PHKA2: variants seen among roughly 807,000 people sequenced by gnomAD.
PHKA2 encodes the protein phosphorylase kinase regulatory subunit alpha 2.
A neutral mutation model predicts 102.0 loss-of-function variants in PHKA2; 31 were observed. The observed-to-expected ratio is 0.30, with a 90% CI of 0.23 to 0.41. The LOEUF is 0.41. PHKA2 is among the 10% of genes least tolerant of loss of function. The pLI is 1.00. For missense variants in PHKA2, 858 were observed against 1,023.1 expected (o/e 0.84, Z 2.20); for synonymous variants, 455 against 416.2 (o/e 1.09, Z -1.13).
At chrX:18,956,924 C>T (rs535384814) in intron 1 of PHKA2, among the ~76,000 whole-genome samples, 5 of 111,906 alleles carry the variant, frequency 4.5e-5, no homozygotes, top group East Asian at 2.8e-4. Flanking sequence ...TTTTTTGAGA[C>T]GGAGTCTCAC....
intron 19 of PHKA2, among the ~76,000 whole-genome samples, chrX:18,916,117 A>G (rs2048016331): frequency 8.9e-6 from 1 of 112,315 alleles, no homozygotes; most frequent in Admixed American, 9.4e-5. Context: ...TATTTGAAGT[A>G]TCAAAAATCA....
intron 1 of PHKA2, among the ~76,000 whole-genome samples, chrX:18,976,479 T>C (rs2049091958): frequency 8.9e-6 from 1 of 111,804 alleles, no homozygotes; most frequent in African/African-American, 3.3e-5. Flanking sequence ...AGTCCTTCCT[T>C]ATCCGTTTTT....
At chrX:18,897,828 T>C in intron 29 of PHKA2, 1 of 126,221 alleles carries the variant, frequency 7.9e-6, no homozygotes, top group Admixed American at 7.8e-5. Context: ...GCATACCTAG[T>C]GTGCGCTAAG....
In PHKA2 at chrX:18,905,366, G is replaced by A. The variant is rs756563183; in HGVS notation, c.2908+392C>T. Among the ~76,000 whole-genome samples the A allele has an allele frequency of 2.1e-3, 235 of 111,457 alleles. 1 individual carries two copies. Among genetic ancestry groups the A allele is most frequent in the African/African-American group, 7.4e-3 (227 of 30,729 alleles). ...TTTTTTTTGTATTTTTAGTAGTGACGGGGTTTCACCACGTTGGTCAGGCTG... is the reference window on the plus strand; with the variant it reads ...TTTTTTTTGTATTTTTAGTAGTGACAGGGTTTCACCACGTTGGTCAGGCTG... On this transcript the variant is annotated intron_variant, in intron 26 of 32. Coordinates refer to ENST00000379942, the MANE Select transcript of PHKA2 (RefSeq NM_000292.3).
At chrX:18,954,116 C>T (rs779074462) in intron 2 of PHKA2, 138 bp downstream of exon 2, 1 of 598,851 alleles carries the variant, frequency 1.7e-6, no homozygotes, top group African/African-American at 2.2e-5. Context: ...TAAGTACCTC[C>T]CCAAAATATT....
chrX:18,923,549 G>A (rs1444771026), intron 17 of PHKA2, among the ~76,000 whole-genome samples: 1 of 111,807 alleles, frequency 8.9e-6, no homozygotes, highest in African/African-American at 3.3e-5. Flanking sequence ...AACCAGAAGG[G>A]GGCTCATTCC....
chrX:18,957,605 A>G (rs1018476413), intron 1 of PHKA2, among the ~76,000 whole-genome samples: 2 of 110,033 alleles, frequency 1.8e-5, no homozygotes, highest in Admixed American at 9.7e-5. Flanking sequence ...AAGCAGATAG[A>G]TGTATCTTTT....
chrX:18,929,350 A>G (rs1389247367), intron 12 of PHKA2, 44 bp from the exon 13 acceptor site: 2 of 872,961 alleles, frequency 2.3e-6, no homozygotes, highest in South Asian at 2.2e-5. Context: ...TTGATTAACT[A>G]AAATTTCATC....
intron 11 of PHKA2, among the ~76,000 whole-genome samples, chrX:18,932,698 G>A (rs934504216): frequency 1.8e-5 from 2 of 111,314 alleles, no homozygotes; most frequent in African/African-American, 6.5e-5. Flanking sequence ...ATCTTTGGGT[G>A]GTAGAATTAG....
At chrX:18,944,251 T>TTG (rs1008044491) in intron 6 of PHKA2, among the ~76,000 whole-genome samples, 39 of 109,814 alleles carry the variant, frequency 3.6e-4, no homozygotes, top group African/African-American at 1.0e-3. Flanking sequence ...GTTCATAACG[T>TTG]TGTGTGTGTG....
intron 1 of PHKA2, among the ~76,000 whole-genome samples, chrX:18,965,418 GA>G (rs1443044753): frequency 9.0e-6 from 1 of 111,686 alleles, no homozygotes; most frequent in Non-Finnish European, 1.9e-5. Context: ...GGGTATTACA[GA>G]TGTCATTATT....
In PHKA2 at chrX:18,895,194, G is replaced by A. The variant is rs1236756823; in HGVS notation, c.3283-3C>T. The A allele has an allele frequency of 8.3e-7, 1 of 1,207,714 alleles. No individual in the cohort carries two copies. Among genetic ancestry groups the A allele is most frequent in the African/African-American group, 1.7e-5 (1 of 57,213 alleles). On this transcript the variant is annotated splice_polypyrimidine_tract_variant and splice_region_variant and intron_variant, in intron 30 of 32. Transcript: ENST00000379942. ...CCATCGATGGAGAGACCGTGGCACT[G>A]GAGGCAGAATAGAGCGCATTTCAGT... is the stretch of plus-strand genomic sequence containing the variant.
chrX:18,899,505 T>C (rs780173388), intron 28 of PHKA2, among the ~76,000 whole-genome samples: 8 of 112,763 alleles, frequency 7.1e-5, no homozygotes, highest in Admixed American at 4.7e-4. Flanking sequence ...TCCTGTCATA[T>C]GTGGAGGGTG....
At chrX:18,928,606 G>A (rs1182562820) in intron 13 of PHKA2, among the ~76,000 whole-genome samples, 1 of 112,417 alleles carries the variant, frequency 8.9e-6, no homozygotes, top group Non-Finnish European at 1.9e-5. Flanking sequence ...AAGGTAGGAA[G>A]AGAACTGCTC....
chrX:18,908,739 T>G, intron 21 of PHKA2, 62 bp downstream of exon 21: 1 of 974,471 alleles, frequency 1.0e-6, no homozygotes, highest in Non-Finnish European at 1.5e-6. Context: ...ATTTCTGTTG[T>G]TCCTAAGCCA....
At chrX:18,963,179 T>C (rs2048893621) in intron 1 of PHKA2, among the ~76,000 whole-genome samples, 1 of 112,893 alleles carries the variant, frequency 8.9e-6, no homozygotes, top group South Asian at 3.6e-4. Context: ...CTGCCCAGTG[T>C]GGCTCTGGTG....
At chrX:18,956,900 T>C (rs1351382761) in intron 1 of PHKA2, among the ~76,000 whole-genome samples, 2 of 112,501 alleles carry the variant, frequency 1.8e-5, no homozygotes, top group Non-Finnish European at 3.8e-5. Context: ...TCTGCTGTCC[T>C]TTTTTTCTTT....
chrX:18,925,853 A>C, intron 14 of PHKA2, 76 bp from the exon 15 acceptor site: 1 of 688,254 alleles, frequency 1.5e-6, no homozygotes, highest in African/African-American at 2.1e-5. Flanking sequence ...TCAGGCTAAG[A>C]CTGAGCTTAT....
intron 1 of PHKA2, among the ~76,000 whole-genome samples, chrX:18,983,010 A>T (rs2049198184): frequency 8.9e-6 from 1 of 112,294 alleles, no homozygotes; most frequent in Non-Finnish European, 1.9e-5. Context: ...AGGCTAAGAA[A>T]TTAGTTAAGA....
Sources: allele counts gnomAD v4.1 joint callset (sites outside exome capture counted in the v4.1 genomes callset), GRCh38; gene constraint gnomAD v4.1.1; transcripts MANE v1.5; gene names NCBI Gene and HGNC (gene_info 2026-07-23, HGNC 2026-07-21).